Variants in SGCG observed in about 807,000 individuals in gnomAD.
The protein encoded by SGCG is gamma-sarcoglycan.
Under a neutral mutation model 29.3 loss-of-function variants are expected in SGCG, and 26 were observed. The ratio of observed to expected loss-of-function variants is 0.89; its 90% CI spans 0.65 to 1.23. SGCG has a LOEUF of 1.23. SGCG is among the 50% of genes most tolerant of loss of function. The pLI, the probability that SGCG is intolerant of heterozygous loss-of-function variation, is 0.00. For synonymous variants in SGCG, 145 were observed against 129.7 expected, an observed-to-expected ratio of 1.12 and a Z score of -0.80; for missense variants, 353 against 356.0, an observed-to-expected ratio of 0.99 and a Z score of 0.07.
chr13:23,182,491 A>G (rs1338849419), intron 1 of SGCG, among the ~76,000 whole-genome samples: 2 of 151,180 alleles, frequency 1.3e-5, no homozygotes, highest in East Asian at 1.9e-4. Context: ...CTCAGCCTCT[A>G]TAGCACCTGT....
Position 23,203,892 on chromosome 13 carries a change from A to G in SGCG, c.195+3A>G. 1.3e-6 allele frequency: 2 copies of G among 1,587,746 alleles called. No individual in the cohort carries two copies. Among genetic ancestry groups the G allele is most frequent in the Non-Finnish European group, 1.7e-6 (2 of 1,156,024 alleles). On this transcript the variant is annotated splice_donor_region_variant and intron_variant, in intron 2 of 7. Transcript: ENST00000218867. Reference sequence around the variant, plus strand: ...TTAAAGTGATGTGGTTTTCTCCAGTAAGTATCATTATTTTCTGGTAAGCAT... The same window carrying G: ...TTAAAGTGATGTGGTTTTCTCCAGTGAGTATCATTATTTTCTGGTAAGCAT...
At chr13:23,279,792 A>G (rs544976969) in intron 5 of SGCG, among the ~76,000 whole-genome samples, 271 of 147,876 alleles carry the variant, frequency 1.8e-3, no homozygotes, top group African/African-American at 6.2e-3. Context: ...CAGTAGCACA[A>G]TCTCGGCTCA....
chr13:23,240,343 A>T (rs990849098), intron 3 of SGCG, among the ~76,000 whole-genome samples: 14 of 152,200 alleles, frequency 9.2e-5, no homozygotes, highest in African/African-American at 3.1e-4. Context: ...GATAGATTGT[A>T]AGAAAGGAAT....
At chr13:23,263,585 G>A (rs373964268) in intron 4 of SGCG, among the ~76,000 whole-genome samples, 22 of 151,752 alleles carry the variant, frequency 1.4e-4, no homozygotes, top group African/African-American at 4.4e-4. Context: ...CTCATTATAC[G>A]AACCCAGTAT....
intron 4 of SGCG, among the ~76,000 whole-genome samples, chr13:23,257,330 A>T (rs1204628074): frequency 3.3e-5 from 5 of 152,148 alleles, no homozygotes; most frequent in African/African-American, 1.2e-4. Context: ...TTATGTATGT[A>T]TACACGTGCC....
At chr13:23,288,058 G>A (rs2137632141) in intron 5 of SGCG, among the ~76,000 whole-genome samples, 1 of 152,252 alleles carries the variant, frequency 6.6e-6, no homozygotes, top group East Asian at 1.9e-4. Context: ...CAGCCAATAA[G>A]AATGTTTTTA....
At chr13:23,169,673 ATCTCTCTC>A in the SGCG span, among the ~76,000 whole-genome samples, 3 of 138,166 alleles carry the variant, frequency 2.2e-5, no homozygotes, top group Admixed American at 1.5e-4. Context: ...GAGAGACTCC[ATCTCTCTC>A]TCTCTCTCTC....
At chr13:23,171,055 A>G in the SGCG span, among the ~76,000 whole-genome samples, 5 of 152,212 alleles carry the variant, frequency 3.3e-5, no homozygotes, top group Non-Finnish European at 7.4e-5. Flanking sequence ...GAGCACATAA[A>G]TGGTAAGATA....
At chr13:23,169,156 C>T in the SGCG span, among the ~76,000 whole-genome samples, 3 of 151,956 alleles carry the variant, frequency 2.0e-5, no homozygotes, top group African/African-American at 7.2e-5. Flanking sequence ...ACCCCCTTCC[C>T]ACCCAGAGCA....
At chr13:23,249,342 C>G (rs1415509264) in intron 3 of SGCG, among the ~76,000 whole-genome samples, 2 of 152,128 alleles carry the variant, frequency 1.3e-5, no homozygotes, top group Non-Finnish European at 2.9e-5. Flanking sequence ...ACAGGCTCCC[C>G]CAACCTTAGC....
At chr13:23,195,337 C>T (rs966527151) in intron 1 of SGCG, among the ~76,000 whole-genome samples, 3 of 152,062 alleles carry the variant, frequency 2.0e-5, no homozygotes, top group Admixed American at 6.6e-5. Context: ...ATTGCCTACC[C>T]GTGTAAATAT....
At chr13:23,314,407 T>TATATATATATATAA (rs1439124394) in intron 6 of SGCG, among the ~76,000 whole-genome samples, 18 of 140,944 alleles carry the variant, frequency 1.3e-4, no homozygotes, top group African/African-American at 4.5e-4. Flanking sequence ...TATATATATA[T>TATATATATATATAA]AATCTTATTC....
At chr13:23,259,658 C>T (rs1174059196) in intron 4 of SGCG, among the ~76,000 whole-genome samples, 4 of 152,142 alleles carry the variant, frequency 2.6e-5, no homozygotes, top group African/African-American at 4.8e-5. Flanking sequence ...TTAGATCTTT[C>T]CTGCTTTCTC....
intron 6 of SGCG, among the ~76,000 whole-genome samples, chr13:23,315,678 G>T (rs1182407245): frequency 6.6e-6 from 1 of 152,220 alleles, no homozygotes; most frequent in Non-Finnish European, 1.5e-5. Context: ...TAGTGCACCT[G>T]ATTGTGCACT....
In SGCG at chr13:23,256,626, G is replaced by A. The variant is rs910033678; in HGVS notation, c.385+5909G>A. On this transcript the variant is annotated intron_variant, in intron 4 of 7. Coordinates refer to ENST00000218867, the MANE Select transcript of SGCG (RefSeq NM_000231.3). Reference sequence around the variant, plus strand: ...TCACACCTATGAGTGACAACATGCAGTGTTTGGTTTTCTGTCCTTGCAATA... The same window carrying A: ...TCACACCTATGAGTGACAACATGCAATGTTTGGTTTTCTGTCCTTGCAATA... Among the ~76,000 whole-genome samples the A allele has an allele frequency of 2.6e-5, 4 of 152,198 alleles. No individual in the cohort carries two copies. The East Asian group carries it at 7.7e-4, about 29-fold the overall frequency.
chr13:23,283,718 T>G (rs1881393859), intron 5 of SGCG, among the ~76,000 whole-genome samples: 1 of 152,232 alleles, frequency 6.6e-6, no homozygotes, highest in Non-Finnish European at 1.5e-5. Flanking sequence ...GTCAATGGTC[T>G]TTACAATTTG....
rs186896948 is a variant in SGCG, at chr13:23,322,071, T to C, written c.702+1311T>C. Among the ~76,000 whole-genome samples, 228 of 152,364 alleles carry C rather than the reference T, an allele frequency of 1.5e-3. 2 individuals are homozygous for C. The Middle Eastern group carries it at 0.027, about 18-fold the overall frequency. On this transcript the variant is annotated intron_variant, in intron 7 of 7. Coordinates refer to ENST00000218867, the MANE Select transcript of SGCG (RefSeq NM_000231.3). ...TGTGCAAACAACTGATCTCATCTTC[T>C]TGGCCTAACCCCAGATATTTTCATA...
chr13:23,236,293 A>G (rs944018073), intron 3 of SGCG, among the ~76,000 whole-genome samples: 5 of 152,196 alleles, frequency 3.3e-5, no homozygotes, highest in African/African-American at 1.2e-4. Context: ...ATCTCCTGCC[A>G]TATTTTGGGA....
At chr13:23,234,568 A>C in intron 2 of SGCG, 43 bp from the exon 3 acceptor site, 1 of 1,319,602 alleles carries the variant, frequency 7.6e-7, no homozygotes. Context: ...TGAAAAAGCA[A>C]GCAATAAAAA....
Sources: gnomAD v4.1 joint callset for allele counts (sites outside exome capture counted in the v4.1 genomes callset) on GRCh38, gnomAD v4.1.1 for gene constraint, MANE v1.5 for transcripts, NCBI Gene and HGNC (gene_info 2026-07-23, HGNC 2026-07-21) for gene names.